Variants in THUMPD2 observed in about 807,000 individuals in gnomAD.
THUMPD2 encodes U6 snRNA (guanine-N(2))-methyltransferase THUMPD2.
A neutral mutation model predicts 49.4 loss-of-function variants in THUMPD2; 56 were observed. The ratio of observed to expected loss-of-function variants is 1.13; its 90% CI spans 0.91 to 1.41. THUMPD2 has a LOEUF of 1.41. Among genes scored for constraint, THUMPD2 ranks in the 40% most tolerant of loss-of-function variants. The probability of loss-of-function intolerance (pLI) is 0.00; values close to 1 mark genes in which losing one functional copy is unlikely to be tolerated. For missense variants in THUMPD2, 709 were observed against 594.5 expected (o/e 1.19, Z -2.00); for synonymous variants, 237 against 205.2 (o/e 1.15, Z -1.32).
chr2:39,758,256 T>C (rs902317779), intron 6 of THUMPD2, among the ~76,000 whole-genome samples: 1 of 152,136 alleles, frequency 6.6e-6, no homozygotes, highest in African/African-American at 2.4e-5. Context: ...TCTTTCTTTA[T>C]ACTAAAAAAA....
At chr2:39,737,790 G>A (rs1349398381) in intron 9 of THUMPD2, among the ~76,000 whole-genome samples, 3 of 152,154 alleles carry the variant, frequency 2.0e-5, no homozygotes, top group Admixed American at 6.5e-5. Context: ...CAGGCAAAGC[G>A]ACGGCAAGCG....
At chr2:39,737,571 C>T (rs568760562) in intron 9 of THUMPD2, among the ~76,000 whole-genome samples, 3 of 152,258 alleles carry the variant, frequency 2.0e-5, no homozygotes, top group African/African-American at 4.8e-5. Flanking sequence ...GCCTGTGTCC[C>T]GTGACATAGC....
intron 1 of THUMPD2, among the ~76,000 whole-genome samples, chr2:39,774,460 T>G (rs2148352627): frequency 6.6e-6 from 1 of 152,340 alleles, no homozygotes; most frequent in East Asian, 1.9e-4. Context: ...TATACATCCT[T>G]TTGCTTGAAG....
chr2:39,751,825 C>T (rs907660005), intron 8 of THUMPD2, among the ~76,000 whole-genome samples: 1 of 151,868 alleles, frequency 6.6e-6, no homozygotes, highest in Non-Finnish European at 1.5e-5. Context: ...GGTGGGACTA[C>T]AGCCACTACG....
chr2:39,747,576 ATATT>A (rs530216607), intron 8 of THUMPD2, among the ~76,000 whole-genome samples: 131 of 152,318 alleles, frequency 8.6e-4, no homozygotes, highest in African/African-American at 2.8e-3. Flanking sequence ...AATATTTGAA[ATATT>A]TATTATCCAA....
chr2:39,755,522 T>G (rs1323405903), intron 7 of THUMPD2, 113 bp from the exon 8 acceptor site: 1 of 713,662 alleles, frequency 1.4e-6, no homozygotes, highest in African/African-American at 1.9e-5. Context: ...GATTTTAAAT[T>G]CAGGTCAAAA....
intron 5 of THUMPD2, among the ~76,000 whole-genome samples, chr2:39,763,988 C>G (rs187559241): frequency 6.6e-6 from 1 of 152,356 alleles, no homozygotes; most frequent in East Asian, 1.9e-4. Context: ...CCATGTAAAT[C>G]AAGCTTCCTT....
chr2:39,773,351 T>A (rs1037913371), intron 1 of THUMPD2, among the ~76,000 whole-genome samples: 19 of 151,950 alleles, frequency 1.3e-4, no homozygotes, highest in African/African-American at 4.6e-4. Context: ...TGAAAATGTA[T>A]GATTTTAAGT....
At chr2:39,778,758 T>C (rs973583901) in intron 1 of THUMPD2, among the ~76,000 whole-genome samples, 2 of 152,230 alleles carry the variant, frequency 1.3e-5, no homozygotes, top group Non-Finnish European at 2.9e-5. Context: ...GTAACTGAAC[T>C]TGGAGATTAT....
rs924589668 is a variant in THUMPD2 at position 39,771,502 on chromosome 2, T to G, written c.262+3A>C. ...AAGCAACATGCATATGAATATGCCA[T>G]ACCTTTACTTACAGAAGAAATAATA... On this transcript the variant is annotated splice_donor_region_variant and intron_variant, in intron 2 of 9. Coordinates refer to ENST00000505747, the MANE Select transcript of THUMPD2 (RefSeq NM_025264.5). 1 of 1,596,344 alleles carries G rather than the reference T, an allele frequency of 6.3e-7. No homozygotes were observed. Among genetic ancestry groups the G allele is most frequent in the Non-Finnish European group, 8.5e-7 (1 of 1,175,274 alleles).
chr2:39,758,798 AAAG>A (rs1445488849), intron 6 of THUMPD2, among the ~76,000 whole-genome samples: 1 of 152,102 alleles, frequency 6.6e-6, no homozygotes, highest in Admixed American at 6.5e-5. Flanking sequence ...AAAAAAAAAA[AAAG>A]GAGGAGGTCC....
intron 2 of THUMPD2, among the ~76,000 whole-genome samples, chr2:39,770,956 T>C (rs999305514): frequency 1.3e-5 from 2 of 152,170 alleles, no homozygotes; most frequent in Admixed American, 6.5e-5. Context: ...TCAAGATCCA[T>C]ATGTTGTTTT....
intron 1 of THUMPD2, among the ~76,000 whole-genome samples, chr2:39,773,141 T>C (rs1216955178): frequency 2.0e-5 from 3 of 152,320 alleles, no homozygotes; most frequent in South Asian, 2.1e-4. Context: ...TCTCATTACA[T>C]AGGTGACATT....
rs527797608 is a variant in THUMPD2 at position 39,771,656 on chromosome 2, C to T, written c.127-16G>A. The T allele has an allele frequency of 1.3e-6, 2 of 1,597,736 alleles. No individual in the cohort carries two copies. Among genetic ancestry groups the T allele is most frequent in the East Asian group, 2.3e-5 (1 of 44,312 alleles). ...TATATTCAACCTAGAAATAGAAAAA[C>T]AGCTTTTAATGTAGTCCAGTGTCAG... is the stretch of plus-strand genomic sequence containing the variant. On this transcript the variant is annotated splice_polypyrimidine_tract_variant and intron_variant, in intron 1 of 9. Coordinates refer to ENST00000505747, the MANE Select transcript of THUMPD2 (RefSeq NM_025264.5).
intron 1 of THUMPD2, among the ~76,000 whole-genome samples, chr2:39,773,875 T>G (rs762100285): frequency 3.3e-5 from 5 of 152,198 alleles, no homozygotes; most frequent in Admixed American, 6.5e-5. Context: ...ACATTTCTTG[T>G]AGAATAAGCA....
chr2:39,766,162 T>C (rs748085663), intron 4 of THUMPD2, 53 bp from the exon 5 acceptor site: 4 of 1,306,722 alleles, frequency 3.1e-6, no homozygotes, highest in Non-Finnish European at 4.2e-6. Context: ...CATTACCAAA[T>C]TACTGACAAT....
intron 1 of THUMPD2, among the ~76,000 whole-genome samples, chr2:39,776,776 C>T (rs1679167105): frequency 6.6e-6 from 1 of 152,130 alleles, no homozygotes; most frequent in South Asian, 2.1e-4. Context: ...AGGAAATTTT[C>T]CACTGCAAAC....
intron 5 of THUMPD2, among the ~76,000 whole-genome samples, chr2:39,762,877 C>A (rs1029689260): frequency 6.6e-6 from 1 of 151,442 alleles, no homozygotes; most frequent in Non-Finnish European, 1.5e-5. Context: ...TGGAACCTTT[C>A]AAAGTTTCAA....
intron 1 of THUMPD2, among the ~76,000 whole-genome samples, chr2:39,775,121 A>C (rs1366522316): frequency 6.6e-6 from 1 of 152,088 alleles, no homozygotes; most frequent in Non-Finnish European, 1.5e-5. Context: ...TGGTACAAAA[A>C]GTAAATGAGC....
Sources: allele counts gnomAD v4.1 joint callset (sites outside exome capture counted in the v4.1 genomes callset), GRCh38; gene constraint gnomAD v4.1.1; transcripts MANE v1.5; gene names NCBI Gene and HGNC (gene_info 2026-07-23, HGNC 2026-07-21).